PRR16: variants seen among roughly 807,000 people sequenced by gnomAD.
PRR16 encodes the protein proline rich 16, also known as protein Largen.
A neutral mutation model predicts 18.2 loss-of-function variants in PRR16; 6 were observed. That is an observed-to-expected ratio of 0.33 (90% CI 0.18 to 0.65). The LOEUF (loss-of-function observed/expected upper bound fraction) is 0.65. Among genes scored for constraint, PRR16 ranks in the 30% least tolerant of loss-of-function variants. The probability of loss-of-function intolerance (pLI) is 0.74; values close to 1 mark genes in which losing one functional copy is unlikely to be tolerated. For synonymous variants in PRR16, 151 were observed against 147.8 expected (o/e 1.02, Z -0.16); for missense variants, 412 against 376.6 (o/e 1.09, Z -0.78).
At chr5:120,781,414 A>G in the PRR16 span, 1 of 152,224 alleles carries the variant, frequency 6.6e-6, no homozygotes, top group African/African-American at 2.4e-5. Context: ...GAGACGCATG[A>G]GTGAATAAAA....
intron 1 of PRR16, among the ~76,000 whole-genome samples, chr5:120,466,698 T>TA (rs970811407): frequency 2.6e-5 from 4 of 151,800 alleles, no homozygotes; most frequent in East Asian, 1.9e-4. Flanking sequence ...TTTTTAAGGT[T>TA]AAAAAAAAGG....
chr5:120,560,167 G>T (rs1408741059), intron 1 of PRR16, among the ~76,000 whole-genome samples: 1 of 151,528 alleles, frequency 6.6e-6, no homozygotes, highest in Non-Finnish European at 1.5e-5. Flanking sequence ...GACTTCTATT[G>T]CTATGTTGAA....
At chr5:120,775,908 A>G in the PRR16 span, among the ~76,000 whole-genome samples, 1 of 148,782 alleles carries the variant, frequency 6.7e-6, no homozygotes, top group African/African-American at 2.5e-5. Context: ...TTGGTCTCCC[A>G]AAGTGCTGAG....
intron 1 of PRR16, among the ~76,000 whole-genome samples, chr5:120,499,995 G>C (rs990610812): frequency 2.0e-5 from 3 of 151,976 alleles, no homozygotes; most frequent in Non-Finnish European, 2.9e-5. Flanking sequence ...ACTGTTTTTT[G>C]AGTATTAACC....
chr5:120,768,595 C>T, the PRR16 span, among the ~76,000 whole-genome samples: 2 of 151,392 alleles, frequency 1.3e-5, no homozygotes, highest in East Asian at 1.9e-4. Flanking sequence ...CTTTACTCAT[C>T]GTATTCACCT....
At chr5:120,776,758 CAT>C in the PRR16 span, among the ~76,000 whole-genome samples, 2 of 152,126 alleles carry the variant, frequency 1.3e-5, no homozygotes, top group South Asian at 4.1e-4. Flanking sequence ...AAGTCTCTCT[CAT>C]ATCAAAATTT....
chr5:120,493,021 G>C (rs1384105619), intron 1 of PRR16, among the ~76,000 whole-genome samples: 1 of 152,190 alleles, frequency 6.6e-6, no homozygotes. Context: ...CTATAAATGT[G>C]TGTGCAAGTG....
the PRR16 span, among the ~76,000 whole-genome samples, chr5:120,698,884 T>A: frequency 6.6e-6 from 1 of 152,260 alleles, no homozygotes; most frequent in East Asian, 1.9e-4. Context: ...CCTGAAAAAC[T>A]GCTTGGCTGA....
intron 1 of PRR16, among the ~76,000 whole-genome samples, chr5:120,545,020 G>C (rs564329233): frequency 4.6e-5 from 7 of 152,074 alleles, no homozygotes; most frequent in Non-Finnish European, 1.0e-4. Flanking sequence ...AGATTTCCTT[G>C]TAGCCCAAGT....
At chr5:120,707,532 T>C in the PRR16 span, among the ~76,000 whole-genome samples, 2 of 152,166 alleles carry the variant, frequency 1.3e-5, no homozygotes, top group African/African-American at 4.8e-5. Context: ...TTCACCAACT[T>C]AAAAACAGAT....
the PRR16 span, among the ~76,000 whole-genome samples, chr5:120,752,298 C>T: frequency 6.6e-6 from 1 of 151,990 alleles, no homozygotes; most frequent in African/African-American, 2.4e-5. Flanking sequence ...CAGACGAGAC[C>T]TTGGCATCCA....
At chr5:120,678,552 A>G (rs1205744909) in intron 1 of PRR16, among the ~76,000 whole-genome samples, 4 of 152,174 alleles carry the variant, frequency 2.6e-5, no homozygotes, top group East Asian at 1.9e-4. Context: ...ACATAAATAG[A>G]CAGTCCCAAT....
intron 1 of PRR16, among the ~76,000 whole-genome samples, chr5:120,556,993 C>T (rs564537616): frequency 2.8e-4 from 43 of 151,386 alleles, no homozygotes; most frequent in African/African-American, 9.7e-4. Flanking sequence ...TTAGAAGATT[C>T]TCCACTATTC....
At chr5:120,496,598 T>A (rs571736558) in intron 1 of PRR16, among the ~76,000 whole-genome samples, 1 of 152,036 alleles carries the variant, frequency 6.6e-6, no homozygotes, top group African/African-American at 2.4e-5. Flanking sequence ...TTCTCTCTTG[T>A]TTTCTTTGTC....
At chr5:120,584,269 C>G (rs1023254456) in intron 1 of PRR16, among the ~76,000 whole-genome samples, 1 of 152,052 alleles carries the variant, frequency 6.6e-6, no homozygotes, top group Non-Finnish European at 1.5e-5. Context: ...ATATAAAATG[C>G]CTTTGTTTTC....
At chr5:120,701,040 T>A in the PRR16 span, among the ~76,000 whole-genome samples, 1 of 152,146 alleles carries the variant, frequency 6.6e-6, no homozygotes, top group African/African-American at 2.4e-5. Flanking sequence ...GTGGCCAGAT[T>A]TCTGGCACAT....
chr5:120,478,038 A>G lies in PRR16; in HGVS notation c.159+13393A>G, dbSNP rs187122623. Among the ~76,000 whole-genome samples, 51 of 152,134 alleles carry G rather than the reference A, an allele frequency of 3.4e-4. No homozygotes were observed. The East Asian group carries it at 8.9e-3, about 27-fold the overall frequency. On this transcript the variant is annotated intron_variant, in intron 1 of 1. Coordinates refer to ENST00000407149, the MANE Select transcript of PRR16 (RefSeq NM_001300783.2). Reference sequence around the variant, plus strand: ...CAATTTATTTCTCATATTTATTATTATTTCCTGCCTCCAGCTTCTGAAGGT... The same window carrying G: ...CAATTTATTTCTCATATTTATTATTGTTTCCTGCCTCCAGCTTCTGAAGGT...
intron 1 of PRR16, among the ~76,000 whole-genome samples, chr5:120,671,976 T>C (rs1321732222): frequency 6.6e-6 from 1 of 152,216 alleles, no homozygotes; most frequent in Non-Finnish European, 1.5e-5. Context: ...GATTCTTGTA[T>C]GTTTATTGTT....
the PRR16 span, among the ~76,000 whole-genome samples, chr5:120,741,598 G>GTGTTT: frequency 5.3e-5 from 8 of 152,018 alleles, no homozygotes; most frequent in Admixed American, 2.0e-4. Context: ...TTTCTGTGGA[G>GTGTTT]TGTTTTGTTT....
Sources: allele counts gnomAD v4.1 joint callset (sites outside exome capture counted in the v4.1 genomes callset), GRCh38; gene constraint gnomAD v4.1.1; transcripts MANE v1.5; gene names NCBI Gene and HGNC (gene_info 2026-07-23, HGNC 2026-07-21).